CYP4V2: variants seen among roughly 807,000 people sequenced by gnomAD.
The protein encoded by CYP4V2 is cytochrome P450 4V2.
A neutral mutation model predicts 60.8 loss-of-function variants in CYP4V2; 55 were observed. The ratio of observed to expected loss-of-function variants is 0.90; its 90% CI spans 0.73 to 1.13. The LOEUF (loss-of-function observed/expected upper bound fraction) is 1.13. Among genes scored for constraint, CYP4V2 ranks in the 50% most tolerant of loss-of-function variants. CYP4V2 has a pLI of 0.00. For missense variants in CYP4V2, 675 were observed against 662.9 expected (o/e 1.02, Z -0.20); for synonymous variants, 239 against 236.8 (o/e 1.01, Z -0.08).
intron 2 of CYP4V2, 67 bp downstream of exon 2, chr4:186,194,679 C>T: frequency 7.1e-7 from 1 of 1,406,856 alleles, no homozygotes; most frequent in South Asian, 1.2e-5. Context: ...TCACCAGAAT[C>T]AATATAACGT....
chr4:186,205,400 C>CATTA, intron 8 of CYP4V2, 98 bp downstream of exon 8: 1 of 1,166,364 alleles, frequency 8.6e-7, no homozygotes, highest in Middle Eastern at 1.9e-4. Context: ...GAAGGCTCCC[C>CATTA]CACGGGATCC....
chr4:186,194,652 C>G (rs1443221437), intron 2 of CYP4V2, 40 bp downstream of exon 2: 3 of 1,520,070 alleles, frequency 2.0e-6, no homozygotes, highest in Admixed American at 3.3e-5. Flanking sequence ...TACTGTGTAT[C>G]TGACAGTGTG....
Position 186,197,005 on chromosome 4 carries a change from A to T in CYP4V2, c.479A>T (p.Glu160Val). 1 of 1,613,870 alleles carries T rather than the reference A, an allele frequency of 6.2e-7. No individual in the cohort carries two copies. Among genetic ancestry groups the T allele is most frequent in the Non-Finnish European group, 8.5e-7 (1 of 1,180,026 alleles). Residue 160 changes from glutamate (E) to valine (V), a missense_variant, in exon 4 of 11, where the codon GAA becomes GTA. Coordinates refer to ENST00000378802, the MANE Select transcript of CYP4V2 (RefSeq NM_207352.4). ...LTPTFHFTIL[E>V]DFLDIMNEQA... The stretch of plus-strand genomic sequence containing the variant: ...CCCACTTTCCATTTTACCATTCTGG[A>T]AGATTTCTTAGATATCATGAATGAA...
chr4:186,212,070 T>C lies in CYP4V2; in HGVS notation c.*1429T>C, dbSNP rs960161841. ...CTCCTTTATATTATAAGTAAGGGAA[T>C]AGAATCAATAAGACAGTTTCTGCCC... On this transcript the variant is annotated 3_prime_UTR_variant, in exon 11 of 11. Transcript: ENST00000378802. The C allele has an allele frequency of 6.6e-6, 1 of 152,180 alleles. No homozygotes were observed. The highest frequency in any genetic ancestry group is 1.5e-5 in the Non-Finnish European group (1 of 68,030). The allele number at this position is 152,180 out of a possible 1,614,324, so 9.4% of individuals were successfully genotyped here.
chr4:186,209,004 G>A lies in CYP4V2; in HGVS notation c.1225+5G>A. On this transcript the variant is annotated splice_donor_5th_base_variant and intron_variant, in intron 9 of 10. Coordinates refer to ENST00000378802, the MANE Select transcript of CYP4V2 (RefSeq NM_207352.4). The stretch of plus-strand genomic sequence containing the variant: ...TTAGTGAAGATTGTGAAGTGGGTAA[G>A]TATGCTATACCTAAAGTAGAAGGGA... 1 of 1,614,136 alleles carries A rather than the reference G, an allele frequency of 6.2e-7. No individual in the cohort carries two copies. The highest frequency in any genetic ancestry group is 1.1e-5 in the South Asian group (1 of 91,082).
At chr4:186,210,421 T>A (rs1243807598) in intron 10 of CYP4V2, 48 bp from the exon 11 acceptor site, 1 of 1,612,240 alleles carries the variant, frequency 6.2e-7, no homozygotes. Context: ...TTTCTCACAT[T>A]TGGGGTAAAT....
Position 186,201,380 on chromosome 4 carries a change from A to G in CYP4V2, c.987+38A>G, listed in dbSNP as rs367670100. ...GTTAGGTTCAGATATCATTAAACAAATTTCAGTTATTGTTAGAATCTTTAG... is the reference window on the plus strand; with the variant it reads ...GTTAGGTTCAGATATCATTAAACAAGTTTCAGTTATTGTTAGAATCTTTAG... On this transcript the variant is annotated intron_variant, in intron 7 of 10. Transcript: ENST00000378802. 13 of 1,600,626 alleles carry G rather than the reference A, an allele frequency of 8.1e-6. No individual in the cohort carries two copies. The African/African-American group carries it at 9.4e-5, about 12-fold the overall frequency.
Position 186,205,197 on chromosome 4 carries a change from T to C in CYP4V2, c.988-3T>C, listed in dbSNP as rs1736460999. The C allele has an allele frequency of 1.2e-6, 2 of 1,614,176 alleles. No homozygotes were observed. Among genetic ancestry groups the C allele is most frequent in the Admixed American group, 3.3e-5 (2 of 60,024 alleles). On this transcript the variant is annotated splice_polypyrimidine_tract_variant and splice_region_variant and intron_variant, in intron 7 of 10. Transcript: ENST00000378802. The stretch of plus-strand genomic sequence containing the variant: ...TTTAAGCTATTGTTTTCTGCATTTG[T>C]AGGGGCACGATACAACTGCAGCTGC...
chr4:186,213,426 C>T lies in CYP4V2; in HGVS notation c.*2785C>T, dbSNP rs757662277. 1 of 152,198 alleles carries T rather than the reference C, an allele frequency of 6.6e-6. No homozygotes were observed. The highest frequency in any genetic ancestry group is 2.4e-5 in the African/African-American group (1 of 41,446). 9.4% of individuals were successfully genotyped at this position (152,198 alleles called of 1,614,324 possible). On this transcript the variant is annotated 3_prime_UTR_variant, in exon 11 of 11. Transcript: ENST00000378802. ...AAGATAAATCAGGAGATGGCTGATT[C>T]ATAATGGGTAATAAAATAAATAGCA...
At chr4:186,200,275 G>A (rs1277112862) in intron 6 of CYP4V2, among the ~76,000 whole-genome samples, 1 of 151,946 alleles carries the variant, frequency 6.6e-6, no homozygotes, top group Non-Finnish European at 1.5e-5. Context: ...TAGCAGGTTT[G>A]GTCAATTACC....
chr4:186,201,446 T>A, intron 7 of CYP4V2, 104 bp downstream of exon 7: 2 of 1,251,100 alleles, frequency 1.6e-6, no homozygotes, highest in Non-Finnish European at 2.2e-6. Context: ...GTAGTTTAAC[T>A]AAAGAAGATT....
intron 1 of CYP4V2, among the ~76,000 whole-genome samples, chr4:186,193,609 T>A (rs188796509): frequency 6.6e-6 from 1 of 152,322 alleles, no homozygotes; most frequent in South Asian, 2.1e-4. Flanking sequence ...AAGGATTAAA[T>A]TTATTGCATG....
In CYP4V2 at chr4:186,210,774, T is replaced by A; in HGVS notation, c.*133T>A. ...CCTAATTTTTCCTTGATCCCACTGATCTTGACATCAAGTCTAACAAAGAAA... is the reference window on the plus strand; with the variant it reads ...CCTAATTTTTCCTTGATCCCACTGAACTTGACATCAAGTCTAACAAAGAAA... On this transcript the variant is annotated 3_prime_UTR_variant, in exon 11 of 11. Transcript: ENST00000378802. 7 of 1,018,928 alleles carry A rather than the reference T, an allele frequency of 6.9e-6. No homozygotes were observed. The South Asian group carries it at 1.0e-4, about 15-fold the overall frequency. The allele number at this position is 1,018,928 out of a possible 1,614,324, so 63.1% of individuals were successfully genotyped here.
rs531909464 is a variant in CYP4V2 at position 186,191,696 on chromosome 4, A to G, written c.-128A>G. 2,312 of 893,240 alleles carry G rather than the reference A, an allele frequency of 2.6e-3. 39 individuals carry two copies. In the African/African-American group the frequency reaches 0.037, roughly 14 times the overall value. The allele number at this position is 893,240 out of a possible 1,614,324, so 55.3% of individuals were successfully genotyped here. On this transcript the variant is annotated 5_prime_UTR_variant, in exon 1 of 11. Transcript: ENST00000378802. ...GAAACGTCGTTCCGGGGACCGGGCG[A>G]CCCCGCAGCGGGGAGCGCGCCAGGT...
chr4:186,200,786 C>T (rs961677710), intron 6 of CYP4V2, among the ~76,000 whole-genome samples: 1 of 151,564 alleles, frequency 6.6e-6, no homozygotes, highest in Non-Finnish European at 1.5e-5. Context: ...GTAATTAAGT[C>T]TATAATTAGA....
intron 5 of CYP4V2, among the ~76,000 whole-genome samples, chr4:186,197,900 CATG>C (rs1251962528): frequency 5.3e-5 from 8 of 152,080 alleles, no homozygotes; most frequent in South Asian, 2.1e-4. Context: ...TTTTCTGTAC[CATG>C]ATAATTGTTA....
chr4:186,192,394 T>C, intron 1 of CYP4V2: 1 of 462,354 alleles, frequency 2.2e-6, no homozygotes, highest in South Asian at 1.9e-5. Context: ...AGAGCGGTTT[T>C]AAACTGGCCA....
intron 5 of CYP4V2, 133 bp downstream of exon 5, chr4:186,197,735 T>C: frequency 1.1e-6 from 1 of 874,422 alleles, no homozygotes; most frequent in Non-Finnish European, 1.8e-6. Flanking sequence ...AACCTCATCA[T>C]GTAAGCATGT....
At position 186,201,193 on chromosome 4, in the gene CYP4V2, GA is replaced by G; in HGVS notation, c.840del (p.Asp281ThrfsTer24). ...ACGGGCCAATGAAATGAACGCCAAT[GA>G]AGACTGTAGAGGTGATGGCAGGGGC... is the stretch of plus-strand genomic sequence containing the variant. The part of the protein sequence containing the change: ...AERANEMNAN[E>X]DCRGDGRGSA... On this transcript the variant is annotated frameshift_variant, in exon 7 of 11. Coordinates refer to ENST00000378802, the MANE Select transcript of CYP4V2 (RefSeq NM_207352.4). LOFTEE classifies it high-confidence loss of function. 6.2e-7 allele frequency: 1 copy of G among 1,614,198 alleles called. No homozygotes were observed.
Sources: gnomAD v4.1 joint callset for allele counts (sites outside exome capture counted in the v4.1 genomes callset) on GRCh38, gnomAD v4.1.1 for gene constraint, MANE v1.5 for transcripts, NCBI Gene and HGNC (gene_info 2026-07-23, HGNC 2026-07-21) for gene names.